ARFGEF3: variants seen among roughly 807,000 people sequenced by gnomAD.
The protein encoded by ARFGEF3 is ARFGEF family member 3, also known as brefeldin A-inhibited guanine nucleotide-exchange protein 3.
Under a neutral mutation model 221.7 loss-of-function variants are expected in ARFGEF3, and 96 were observed. The observed-to-expected ratio is 0.43, with a 90% CI of 0.37 to 0.51. The LOEUF is 0.51. Ranked by LOEUF, ARFGEF3 falls within the 20% of genes least tolerant of loss-of-function variation. ARFGEF3 has a pLI of 0.00. For synonymous variants in ARFGEF3, 1,145 were observed against 1,126.8 expected, an observed-to-expected ratio of 1.02 and a Z score of -0.32; for missense variants, 2,410 against 2,789.9, an observed-to-expected ratio of 0.86 and a Z score of 3.07.
At chr6:138,246,739 C>T (rs1279484824) in intron 8 of ARFGEF3, among the ~76,000 whole-genome samples, 1 of 152,064 alleles carries the variant, frequency 6.6e-6, no homozygotes, top group Non-Finnish European at 1.5e-5. Flanking sequence ...TTCAAAGTAG[C>T]AAATGTGTAG....
At position 138,304,251 on chromosome 6, in the gene ARFGEF3, ATATGT is replaced by A. The variant is rs560657884; in HGVS notation, c.3829-2998_3829-2994del. On this transcript the variant is annotated intron_variant, in intron 22 of 33. Transcript: ENST00000251691. ...TGAGAAAAGCCAGTCACCAAAGACC[ATATGT>A]TATATGACTACATTTATATGAAATG... is the stretch of plus-strand genomic sequence containing the variant. Among the ~76,000 whole-genome samples, 625 of 152,334 alleles carry A rather than the reference ATATGT, an allele frequency of 4.1e-3. 5 individuals carry two copies. Among genetic ancestry groups the A allele is most frequent in the African/African-American group, 0.014 (599 of 41,570 alleles).
rs1213983385 is a variant in ARFGEF3 at position 138,339,843 on chromosome 6, A to T, written c.*3357A>T. On this transcript the variant is annotated 3_prime_UTR_variant, in exon 34 of 34. Coordinates refer to ENST00000251691, the MANE Select transcript of ARFGEF3 (RefSeq NM_020340.5). Reference sequence around the variant, plus strand: ...GGTAATTTTCCAGCCTTCCCCATAGATATAAAACTAGAACACCTTTATGAT... The same window carrying T: ...GGTAATTTTCCAGCCTTCCCCATAGTTATAAAACTAGAACACCTTTATGAT... The T allele has an allele frequency of 6.6e-6, 1 of 152,180 alleles. No homozygotes were observed. The highest frequency in any genetic ancestry group is 1.5e-5 in the Non-Finnish European group (1 of 68,054). The allele number at this position is 152,180 out of a possible 1,614,324, so 9.4% of individuals were successfully genotyped here.
chr6:138,324,284 A>C, intron 31 of ARFGEF3, 130 bp downstream of exon 31: 2 of 1,001,270 alleles, frequency 2.0e-6, no homozygotes, highest in Non-Finnish European at 2.9e-6. Context: ...GTAGCTCCCA[A>C]CTCTTGCCAC....
chr6:138,216,649 A>AGGC (rs1777868714), intron 4 of ARFGEF3: 1 of 152,198 alleles, frequency 6.6e-6, no homozygotes, highest in Non-Finnish European at 1.5e-5. Flanking sequence ...GTGAAGTTTG[A>AGGC]GAGTGAAATG....
chr6:138,261,573 C>A lies in ARFGEF3; in HGVS notation c.1151C>A (p.Ser384Tyr), dbSNP rs1020232259. ...CTCTGTGACTTGGCAGGACCCAGCT[C>A]CACTGAATCAGAGTCCAGAAAAAGA... ...QRLCDLAGPS[S>Y]TESESRKRSI... The change falls in exon 11 of 34, where the codon TCC becomes TAC. Residue 384 changes from serine to tyrosine, a missense_variant. This residue lies in a region of ARFGEF3 where 570 missense variants were observed against 586.9 expected (regional missense o/e 0.97). Transcript: ENST00000251691. 1.9e-6 allele frequency: 3 copies of A among 1,580,454 alleles called. No homozygotes were observed. Among genetic ancestry groups the A allele is most frequent in the Non-Finnish European group, 2.6e-6 (3 of 1,161,796 alleles).
In ARFGEF3 at chr6:138,333,511, A is replaced by G. The variant is rs540919628; in HGVS notation, c.5124-459A>G. Reference sequence around the variant, plus strand: ...GGCTGGAGTGCAGTGGCGCGATTTCAGCTCACTGCAAGCTCCACCTCCCGG... The same window carrying G: ...GGCTGGAGTGCAGTGGCGCGATTTCGGCTCACTGCAAGCTCCACCTCCCGG... On this transcript the variant is annotated intron_variant, in intron 32 of 33. Coordinates refer to ENST00000251691, the MANE Select transcript of ARFGEF3 (RefSeq NM_020340.5). Among the ~76,000 whole-genome samples, 9 of 152,118 alleles carry G rather than the reference A, an allele frequency of 5.9e-5. 1 individual carries two copies. The highest frequency in any genetic ancestry group is 2.2e-4 in the African/African-American group (9 of 41,476).
chr6:138,268,218 G>C (rs1778933086), intron 12 of ARFGEF3, among the ~76,000 whole-genome samples: 1 of 152,182 alleles, frequency 6.6e-6, no homozygotes, highest in Non-Finnish European at 1.5e-5. Context: ...GAGACAGGGA[G>C]ATGGCAGATT....
At chr6:138,330,078 G>A (rs143596693) in intron 32 of ARFGEF3, among the ~76,000 whole-genome samples, 103 of 152,270 alleles carry the variant, frequency 6.8e-4, no homozygotes, top group African/African-American at 2.3e-3. Flanking sequence ...ACAAGATAAT[G>A]TCATAGTTAA....
At chr6:138,223,873 T>C (rs925617367) in intron 4 of ARFGEF3, among the ~76,000 whole-genome samples, 4 of 152,224 alleles carry the variant, frequency 2.6e-5, no homozygotes, top group African/African-American at 9.6e-5. Context: ...TACAGCTTAT[T>C]GTAATTTTTT....
chr6:138,234,565 C>T (rs1395545590), intron 5 of ARFGEF3, among the ~76,000 whole-genome samples: 1 of 151,864 alleles, frequency 6.6e-6, no homozygotes, highest in East Asian at 1.9e-4. Flanking sequence ...TACCTGTTGA[C>T]CTGTCTTAGG....
At chr6:138,316,640 A>G in intron 26 of ARFGEF3, among the ~76,000 whole-genome samples, 1 of 152,146 alleles carries the variant, frequency 6.6e-6, no homozygotes. Flanking sequence ...CTTTAAAGAT[A>G]ACAAACATAA....
intron 5 of ARFGEF3, among the ~76,000 whole-genome samples, chr6:138,231,049 AG>A (rs1012332321): frequency 1.1e-3 from 164 of 152,140 alleles, no homozygotes; most frequent in Non-Finnish European, 2.1e-3. Context: ...ACTGGGGGGA[AG>A]GGGAGACAAG....
At chr6:138,215,635 A>G (rs1181491597) in intron 4 of ARFGEF3, among the ~76,000 whole-genome samples, 1 of 152,058 alleles carries the variant, frequency 6.6e-6, no homozygotes, top group Admixed American at 6.6e-5. Context: ...TGTGGGTGCT[A>G]GTCACTGCTA....
At chr6:138,199,637 A>T (rs1026471078) in intron 2 of ARFGEF3, among the ~76,000 whole-genome samples, 2 of 152,106 alleles carry the variant, frequency 1.3e-5, no homozygotes, top group Non-Finnish European at 2.9e-5. Flanking sequence ...TTTTGCAGCT[A>T]TTTTAAAAAG....
Position 138,334,754 on chromosome 6 carries a change from C to T in ARFGEF3, c.5908C>T (p.Arg1970Trp), listed in dbSNP as rs1455570167. The change falls in exon 33 of 34, where the codon CGG becomes TGG. Residue 1970 changes from arginine to tryptophan, a missense_variant. By Grantham distance (101) the Arg-to-Trp change is moderately radical. Transcript: ENST00000251691. This position sits in a 1 kb window ranked among gnomAD's most constrained non-coding sequence, Gnocchi z 5.1. ...TTCCGAGGATGACAGAAGCCAGTCCCGGGAGCACATGGGCGAGTCCCTGAG... is the reference window on the plus strand; with the variant it reads ...TTCCGAGGATGACAGAAGCCAGTCCTGGGAGCACATGGGCGAGTCCCTGAG... Reference protein sequence around the residue: ...TPSEDDRSQSREHMGESLSLK... With the variant: ...TPSEDDRSQSWEHMGESLSLK... 2.5e-6 allele frequency: 4 copies of T among 1,610,470 alleles called. No individual in the cohort carries two copies. The highest frequency in any genetic ancestry group is 1.1e-5 in the South Asian group (1 of 90,562).
chr6:138,305,759 C>G (rs140370556), intron 22 of ARFGEF3, among the ~76,000 whole-genome samples: 1,813 of 152,160 alleles, frequency 0.012, 17 homozygotes, highest in African/African-American at 0.028. Context: ...ATTAAAACCA[C>G]GCAATCATCT....
intron 22 of ARFGEF3, among the ~76,000 whole-genome samples, chr6:138,306,365 A>G (rs918020691): frequency 6.6e-6 from 1 of 152,186 alleles, no homozygotes; most frequent in Admixed American, 6.5e-5. Context: ...AAGACTCAAT[A>G]TTTTTAAAAT....
intron 14 of ARFGEF3, among the ~76,000 whole-genome samples, chr6:138,283,481 C>G (rs796446006): frequency 6.6e-6 from 1 of 152,144 alleles, no homozygotes; most frequent in Non-Finnish European, 1.5e-5. Context: ...AAGAATTCAA[C>G]AAAATAAGGA....
chr6:138,276,814 C>T (rs897923334), intron 12 of ARFGEF3, among the ~76,000 whole-genome samples: 4 of 152,156 alleles, frequency 2.6e-5, no homozygotes, highest in East Asian at 1.9e-4. Flanking sequence ...TACAGGCATG[C>T]GCCACCATGC....
Sources: allele counts gnomAD v4.1 joint callset (sites outside exome capture counted in the v4.1 genomes callset), GRCh38; gene constraint gnomAD v4.1.1; regional missense constraint gnomAD v4.1.1; non-coding constraint Gnocchi (gnomAD v3.1); transcripts MANE v1.5; gene names NCBI Gene and HGNC (gene_info 2026-07-23, HGNC 2026-07-21).